Variants in MEF2A observed in about 807,000 individuals in gnomAD.
The protein encoded by MEF2A is myocyte enhancer factor 2A.
MEF2A carries 28 observed loss-of-function variants against 55.8 expected under a neutral mutation model. The observed-to-expected ratio is 0.50, with a 90% CI of 0.37 to 0.69. The LOEUF is 0.69. MEF2A is among the 30% of genes least tolerant of loss of function. The pLI is 0.00. For synonymous variants in MEF2A, 239 were observed against 227.1 expected (o/e 1.05, Z -0.47); for missense variants, 528 against 626.2 (o/e 0.84, Z 1.67).
chr15:99,708,498 C>T (rs1181487155), intron 10 of MEF2A, among the ~76,000 whole-genome samples: 1 of 152,220 alleles, frequency 6.6e-6, no homozygotes, highest in Non-Finnish European at 1.5e-5. Flanking sequence ...GGCAGGCTCT[C>T]AAAATCATCA....
chr15:99,695,532 T>G (rs560084625), intron 8 of MEF2A, among the ~76,000 whole-genome samples: 1 of 148,580 alleles, frequency 6.7e-6, no homozygotes. Flanking sequence ...AGTTAAAAGA[T>G]TGTCAGATTT....
intron 4 of MEF2A, among the ~76,000 whole-genome samples, chr15:99,664,806 C>T (rs1333777416): frequency 6.6e-6 from 1 of 152,062 alleles, no homozygotes; most frequent in Non-Finnish European, 1.5e-5. Flanking sequence ...AAGTGTGCAG[C>T]AGGCAGTTGG....
chr15:99,675,123 C>T (rs911493855), intron 6 of MEF2A, among the ~76,000 whole-genome samples: 1 of 152,056 alleles, frequency 6.6e-6, no homozygotes, highest in Non-Finnish European at 1.5e-5. Flanking sequence ...ACACTGCCCC[C>T]GTTTTTATCA....
intron 1 of MEF2A, among the ~76,000 whole-genome samples, chr15:99,575,781 T>C (rs1168006907): frequency 6.6e-6 from 1 of 152,352 alleles, no homozygotes; most frequent in South Asian, 2.1e-4. Context: ...CATTTATTAG[T>C]GGGCATTCTA....
intron 4 of MEF2A, among the ~76,000 whole-genome samples, chr15:99,664,166 A>G (rs1202282733): frequency 1.3e-5 from 2 of 152,188 alleles, no homozygotes; most frequent in African/African-American, 4.8e-5. Flanking sequence ...GAAATATGTG[A>G]CTTGGGTAAA....
At chr15:99,676,964 T>C (rs1015626373) in intron 7 of MEF2A, among the ~76,000 whole-genome samples, 2 of 151,752 alleles carry the variant, frequency 1.3e-5, no homozygotes, top group African/African-American at 2.4e-5. Flanking sequence ...CTACTAAAAA[T>C]ACAAAAATTA....
chr15:99,568,226 C>T (rs1960591538), intron 1 of MEF2A, among the ~76,000 whole-genome samples: 1 of 152,108 alleles, frequency 6.6e-6, no homozygotes, highest in Non-Finnish European at 1.5e-5. Flanking sequence ...AGCTTATTGA[C>T]ACCCAGAAAT....
intron 9 of MEF2A, 189 bp from the exon 10 acceptor site, chr15:99,706,540 G>A: frequency 1.7e-6 from 1 of 597,078 alleles, no homozygotes. Flanking sequence ...AAGAATTAAT[G>A]TAAAAATAGG....
chr15:99,646,714 CTAATT>C (rs1425855311), intron 4 of MEF2A, among the ~76,000 whole-genome samples: 3 of 152,076 alleles, frequency 2.0e-5, no homozygotes, highest in Non-Finnish European at 4.4e-5. Context: ...GTATAGGAAT[CTAATT>C]TATTTGCCTC....
chr15:99,574,082 C>G (rs1411181479), intron 1 of MEF2A, among the ~76,000 whole-genome samples: 1 of 151,746 alleles, frequency 6.6e-6, no homozygotes, highest in African/African-American at 2.4e-5. Flanking sequence ...AAAATCAAAC[C>G]TAGAGAAAAG....
intron 3 of MEF2A, among the ~76,000 whole-genome samples, chr15:99,639,982 CTT>C (rs929477234): frequency 1.3e-5 from 2 of 152,122 alleles, no homozygotes; most frequent in Non-Finnish European, 2.9e-5. Flanking sequence ...TTTGTAAACA[CTT>C]TTATGACGGG....
At chr15:99,587,536 C>T (rs1222819139) in intron 1 of MEF2A, among the ~76,000 whole-genome samples, 1 of 152,156 alleles carries the variant, frequency 6.6e-6, no homozygotes, top group African/African-American at 2.4e-5. Flanking sequence ...TAGGGAGAAT[C>T]AGTATCACAA....
intron 2 of MEF2A, among the ~76,000 whole-genome samples, chr15:99,629,163 G>A (rs371931057): frequency 1.3e-5 from 2 of 152,220 alleles, no homozygotes; most frequent in African/African-American, 4.8e-5. Flanking sequence ...GGCTGAACGC[G>A]GTGGCTCATG....
chr15:99,686,359 G>A (rs1231198978), intron 7 of MEF2A, among the ~76,000 whole-genome samples: 1 of 151,896 alleles, frequency 6.6e-6, no homozygotes, highest in East Asian at 1.9e-4. Flanking sequence ...TGTATTTTCA[G>A]GTTTTGTTTC....
At chr15:99,644,981 G>A (rs958970264) in intron 3 of MEF2A, among the ~76,000 whole-genome samples, 1 of 152,132 alleles carries the variant, frequency 6.6e-6, no homozygotes, top group African/African-American at 2.4e-5. Context: ...TATAAAGGGT[G>A]TAAATAAAAA....
intron 1 of MEF2A, among the ~76,000 whole-genome samples, chr15:99,571,357 T>G (rs1470783021): frequency 6.6e-6 from 1 of 152,196 alleles, no homozygotes; most frequent in African/African-American, 2.4e-5. Context: ...TCATACAGTT[T>G]TTGAGAGGAT....
intron 1 of MEF2A, among the ~76,000 whole-genome samples, chr15:99,575,127 C>G (rs1048423068): frequency 6.6e-6 from 1 of 152,000 alleles, no homozygotes; most frequent in Non-Finnish European, 1.5e-5. Context: ...TCCCTTACCC[C>G]TAAATACTTC....
chr15:99,652,144 A>C lies in MEF2A; in HGVS notation c.258+6380A>C, dbSNP rs138968906. 5.3e-4 allele frequency among the ~76,000 whole-genome samples: 81 copies of C among 152,316 alleles called. 1 individual carries two copies. In the Middle Eastern group the frequency reaches 0.017, roughly 32 times the overall value. On this transcript the variant is annotated intron_variant, in intron 4 of 11. Transcript: ENST00000557942. ...GCTCTAGAGGTGATGCTATCACCAGAGTTCTTTAAAGCAGCAGTCCCCAAC... is the reference window on the plus strand; with the variant it reads ...GCTCTAGAGGTGATGCTATCACCAGCGTTCTTTAAAGCAGCAGTCCCCAAC...
chr15:99,695,192 T>C (rs1567468980), intron 8 of MEF2A, among the ~76,000 whole-genome samples: 1 of 152,252 alleles, frequency 6.6e-6, no homozygotes, highest in Non-Finnish European at 1.5e-5. Flanking sequence ...AAGGCAAAAA[T>C]AGTAACTGTA....
Sources: allele counts gnomAD v4.1 joint callset (sites outside exome capture counted in the v4.1 genomes callset), GRCh38; gene constraint gnomAD v4.1.1; transcripts MANE v1.5; gene names NCBI Gene and HGNC (gene_info 2026-07-23, HGNC 2026-07-21).